CREB5: variants seen among roughly 807,000 people sequenced by gnomAD.
The protein encoded by CREB5 is cAMP responsive element binding protein 5.
Under a neutral mutation model 57.1 loss-of-function variants are expected in CREB5, and 19 were observed. The observed-to-expected ratio is 0.33, with a 90% CI of 0.23 to 0.49. The LOEUF is 0.49. Among genes scored for constraint, CREB5 ranks in the 20% least tolerant of loss-of-function variants. The pLI, the probability that CREB5 is intolerant of heterozygous loss-of-function variation, is 0.99. For synonymous variants in CREB5, 238 were observed against 238.3 expected (o/e 1.00, Z 0.01); for missense variants, 579 against 671.6 (o/e 0.86, Z 1.52).
chr7:28,689,417 G>A lies in CREB5; in HGVS notation c.465-29336G>A, dbSNP rs989643814. Among the ~76,000 whole-genome samples the A allele has an allele frequency of 1.6e-4, 25 of 152,086 alleles. 1 individual carries two copies. The highest frequency in any genetic ancestry group is 9.2e-4 in the Admixed American group (14 of 15,280). The stretch of plus-strand genomic sequence containing the variant: ...TGGGAGGCGGAGCTTGCAGTAAGCC[G>A]AGATCGAGCCACTGTACTCCAGCCT... On this transcript the variant is annotated intron_variant, in intron 5 of 10. Transcript: ENST00000357727.
chr7:28,537,316 T>G (rs1246254995), intron 4 of CREB5, among the ~76,000 whole-genome samples: 1 of 152,138 alleles, frequency 6.6e-6, no homozygotes, highest in Non-Finnish European at 1.5e-5. Context: ...AATAAATGTT[T>G]AGAACAGCTC....
chr7:28,751,186 G>A (rs1246838250), intron 7 of CREB5, among the ~76,000 whole-genome samples: 7 of 126,700 alleles, frequency 5.5e-5, no homozygotes, highest in East Asian at 2.8e-4. Flanking sequence ...ATGACTGCGC[G>A]TGAGCCAGGG....
chr7:28,342,576 A>G (rs1785958498), intron 1 of CREB5, among the ~76,000 whole-genome samples: 1 of 152,252 alleles, frequency 6.6e-6, no homozygotes, highest in African/African-American at 2.4e-5. Context: ...AGATTATAAA[A>G]CATAAGATTT....
rs1157187752 is a variant in CREB5 at position 28,456,297 on chromosome 7, C to T, written c.4-31878C>T. Reference sequence around the variant, plus strand: ...ATAAGTGCAAGTTACAAATCTGTGGCTTTGAGATTATCGAATTTCACTGCT... The same window carrying T: ...ATAAGTGCAAGTTACAAATCTGTGGTTTTGAGATTATCGAATTTCACTGCT... On this transcript the variant is annotated intron_variant, in intron 1 of 10. Transcript: ENST00000357727. Among the ~76,000 whole-genome samples, 6 of 152,154 alleles carry T rather than the reference C, an allele frequency of 3.9e-5. No homozygotes were observed. The South Asian group carries it at 1.2e-3, about 32-fold the overall frequency.
At chr7:28,342,648 T>C (rs1785959801) in intron 1 of CREB5, among the ~76,000 whole-genome samples, 1 of 152,238 alleles carries the variant, frequency 6.6e-6, no homozygotes, top group South Asian at 2.1e-4. Flanking sequence ...TTCTAGAATA[T>C]CACTCCATCT....
intron 1 of CREB5, among the ~76,000 whole-genome samples, chr7:28,418,723 C>T (rs868481327): frequency 6.6e-6 from 1 of 152,156 alleles, no homozygotes; most frequent in Admixed American, 6.5e-5. Flanking sequence ...TCTCTAATCC[C>T]CATTTTATAG....
chr7:28,691,895 G>A (rs11976006), intron 5 of CREB5, among the ~76,000 whole-genome samples: 8,930 of 151,944 alleles, frequency 0.059, 519 homozygotes, highest in African/African-American at 0.15. Context: ...GTGGCTGGGC[G>A]TGGTGGCTCA....
chr7:28,410,753 A>T (rs138139584), upstream of CREB5: 2,312 of 357,376 alleles, frequency 6.5e-3, 19 homozygotes, highest in Middle Eastern at 0.012. Flanking sequence ...CAGGTCCATT[A>T]CGTCATTCTG....
chr7:28,446,162 T>G (rs757724828), intron 1 of CREB5, among the ~76,000 whole-genome samples: 2 of 152,108 alleles, frequency 1.3e-5, no homozygotes, highest in Admixed American at 6.5e-5. Context: ...TGCCCACTGT[T>G]TCCTTGTTGT....
intron 1 of CREB5, among the ~76,000 whole-genome samples, chr7:28,375,194 A>G (rs542771766): frequency 2.4e-4 from 36 of 152,334 alleles, no homozygotes; most frequent in African/African-American, 8.7e-4. Context: ...TGGGACATCT[A>G]AGATTTTGTT....
chr7:28,819,295 C>G lies in CREB5; in HGVS notation c.*16C>G. ...GATTCTTTAAAATGCACCATCAGACCTGGCCTCCAAGAAGAGCTGTAGCGT... is the reference window on the plus strand; with the variant it reads ...GATTCTTTAAAATGCACCATCAGACGTGGCCTCCAAGAAGAGCTGTAGCGT... On this transcript the variant is annotated 3_prime_UTR_variant, in exon 11 of 11. Coordinates refer to ENST00000357727, the MANE Select transcript of CREB5 (RefSeq NM_182898.4). 1 of 1,610,292 alleles carries G rather than the reference C, an allele frequency of 6.2e-7. No individual in the cohort carries two copies. The highest frequency in any genetic ancestry group is 8.5e-7 in the Non-Finnish European group (1 of 1,178,180).
At chr7:28,458,946 G>A (rs1365260251) in intron 1 of CREB5, among the ~76,000 whole-genome samples, 2 of 152,234 alleles carry the variant, frequency 1.3e-5, no homozygotes, top group Non-Finnish European at 2.9e-5. Flanking sequence ...GGCCTGGCCT[G>A]TATTGCTCCC....
At chr7:28,766,193 T>C (rs565586365) in intron 7 of CREB5, among the ~76,000 whole-genome samples, 1 of 152,290 alleles carries the variant, frequency 6.6e-6, no homozygotes, top group Non-Finnish European at 1.5e-5. Flanking sequence ...TTATTTTCTT[T>C]GTTATGCACC....
chr7:28,372,516 T>A (rs1786728822), intron 1 of CREB5, among the ~76,000 whole-genome samples: 1 of 152,216 alleles, frequency 6.6e-6, no homozygotes. Context: ...ATTACAATCG[T>A]ATTATTTGAG....
At chr7:28,757,755 G>A (rs1459983104) in intron 7 of CREB5, among the ~76,000 whole-genome samples, 1 of 152,002 alleles carries the variant, frequency 6.6e-6, no homozygotes, top group Non-Finnish European at 1.5e-5. Context: ...TATCCTAAAT[G>A]CTGGGGACCA....
At chr7:28,790,026 A>G (rs1807569930) in intron 7 of CREB5, among the ~76,000 whole-genome samples, 2 of 152,242 alleles carry the variant, frequency 1.3e-5, no homozygotes, top group South Asian at 4.1e-4. Flanking sequence ...AATGGAAGGA[A>G]TGAAAGCACT....
At chr7:28,694,112 T>G (rs1198140949) in intron 5 of CREB5, among the ~76,000 whole-genome samples, 1 of 152,238 alleles carries the variant, frequency 6.6e-6, no homozygotes, top group Non-Finnish European at 1.5e-5. Context: ...TTAGATGGCA[T>G]AGAGTAACTT....
intron 5 of CREB5, among the ~76,000 whole-genome samples, chr7:28,664,435 T>C (rs1402849681): frequency 6.6e-6 from 1 of 152,200 alleles, no homozygotes; most frequent in Non-Finnish European, 1.5e-5. Context: ...TCCTTCTTTC[T>C]CTCCTTTCCT....
intron 1 of CREB5, among the ~76,000 whole-genome samples, chr7:28,365,387 C>CTCACCTTTGCTCCCGGAATTA (rs1209112455): frequency 1.6e-4 from 24 of 152,288 alleles, no homozygotes; most frequent in Non-Finnish European, 1.5e-5. Flanking sequence ...ATCCCACACC[C>CTCACCTTTGCTCCCGGAATTA]TCACCTTTGC....
Sources: allele counts gnomAD v4.1 joint callset (sites outside exome capture counted in the v4.1 genomes callset), GRCh38; gene constraint gnomAD v4.1.1; transcripts MANE v1.5; gene names NCBI Gene and HGNC (gene_info 2026-07-23, HGNC 2026-07-21).